The following KCNK18 variants were observed in gnomAD, a reference collection of about 807,000 sequenced individuals.
The protein encoded by KCNK18 is potassium two pore domain channel subfamily K member 18, also known as potassium channel subfamily K member 18.
A neutral mutation model predicts 11.8 loss-of-function variants in KCNK18; 8 were observed. The ratio of observed to expected loss-of-function variants is 0.68; its 90% CI spans 0.40 to 1.22. The LOEUF is 1.22. KCNK18 is among the 50% of genes most tolerant of loss of function. The pLI, the probability that KCNK18 is intolerant of heterozygous loss-of-function variation, is 0.01. For synonymous variants in KCNK18, 208 were observed against 185.8 expected (o/e 1.12, Z -0.97); for missense variants, 442 against 465.4 (o/e 0.95, Z 0.46).
At chr10:117,198,361 T>A (rs572077155) in intron 1 of KCNK18, among the ~76,000 whole-genome samples, 1 of 152,158 alleles carries the variant, frequency 6.6e-6, no homozygotes, top group East Asian at 1.9e-4. Flanking sequence ...AGGCAAAGCT[T>A]TGTTCTCTCT....
intron 2 of KCNK18, among the ~76,000 whole-genome samples, chr10:117,206,941 C>T (rs1030727663): frequency 1.3e-5 from 2 of 152,302 alleles, no homozygotes; most frequent in East Asian, 3.9e-4. Flanking sequence ...TCTCTCTTCA[C>T]CTGGCTAGTT....
At position 117,207,078 on chromosome 10, in the gene KCNK18, G is replaced by T. The variant is rs146940268; in HGVS notation, c.353-2419G>T. ...GAGTCTCGCTCCGTTGCCCAGGCTGGAGTACAGTAGCACGATCTCAGCTCA... is the reference window on the plus strand; with the variant it reads ...GAGTCTCGCTCCGTTGCCCAGGCTGTAGTACAGTAGCACGATCTCAGCTCA... On this transcript the variant is annotated intron_variant, in intron 2 of 2. Transcript: ENST00000334549. Among the ~76,000 whole-genome samples the T allele has an allele frequency of 1.1e-3, 162 of 152,216 alleles. 4 individuals carry two copies. In the East Asian group the frequency reaches 0.028, roughly 26 times the overall value.
intron 2 of KCNK18, among the ~76,000 whole-genome samples, chr10:117,208,340 G>GAC (rs2133706419): frequency 6.6e-6 from 1 of 152,268 alleles, no homozygotes; most frequent in East Asian, 1.9e-4. Context: ...TGAGGGTGAG[G>GAC]ACACCACCAG....
At chr10:117,208,307 T>A (rs931661072) in intron 2 of KCNK18, among the ~76,000 whole-genome samples, 15 of 152,264 alleles carry the variant, frequency 9.9e-5, no homozygotes, top group Non-Finnish European at 4.4e-5. Flanking sequence ...CCACAGGAAG[T>A]GCTCACTAGG....
At chr10:117,205,728 C>T (rs192600661) in intron 2 of KCNK18, among the ~76,000 whole-genome samples, 5 of 152,266 alleles carry the variant, frequency 3.3e-5, no homozygotes, top group African/African-American at 1.2e-4. Context: ...AATTTACTGT[C>T]TGTGATGCAG....
At chr10:117,208,813 TCACTGCAACCTCCA>T (rs1855107420) in intron 2 of KCNK18, among the ~76,000 whole-genome samples, 1 of 151,092 alleles carries the variant, frequency 6.6e-6, no homozygotes, top group African/African-American at 2.4e-5. Context: ...CAATCTTGGC[TCACTGCAACCTCCA>T]CCTCCCGGCT....
At chr10:117,199,897 G>A (rs750886428) in intron 1 of KCNK18, among the ~76,000 whole-genome samples, 2 of 152,144 alleles carry the variant, frequency 1.3e-5, no homozygotes, top group Admixed American at 6.5e-5. Context: ...GCCCACTGGC[G>A]GCTCAGGCCA....
intron 2 of KCNK18, among the ~76,000 whole-genome samples, chr10:117,203,549 A>G (rs1001822777): frequency 4.6e-5 from 7 of 152,124 alleles, no homozygotes; most frequent in African/African-American, 1.7e-4. Context: ...TGTTTTCCTC[A>G]AGCTTTTTGA....
At chr10:117,205,942 C>T (rs1036961697) in intron 2 of KCNK18, among the ~76,000 whole-genome samples, 2 of 151,970 alleles carry the variant, frequency 1.3e-5, no homozygotes, top group East Asian at 1.9e-4. Context: ...CCCAGCTACT[C>T]AGGAGGCTGA....
chr10:117,206,953 G>GT (rs1263532929), intron 2 of KCNK18, among the ~76,000 whole-genome samples: 1 of 152,150 alleles, frequency 6.6e-6, no homozygotes, highest in Non-Finnish European at 1.5e-5. Flanking sequence ...TGGCTAGTTT[G>GT]TGACCCCTTC....
Position 117,209,931 on chromosome 10 carries a change from T to C in KCNK18, c.787T>C (p.Tyr263His). 6.2e-7 allele frequency: 1 copy of C among 1,614,242 alleles called. No individual in the cohort carries two copies. Among genetic ancestry groups the C allele is most frequent in the Non-Finnish European group, 8.5e-7 (1 of 1,180,046 alleles). Residue 263 changes from tyrosine (Y) to histidine (H), a missense_variant, in exon 3 of 3, where the codon TAC becomes CAC. By Grantham distance (83) the Tyr-to-His change is moderately conservative (BLOSUM62 2). Transcript: ENST00000334549. ...CGAACTGGTGTTGGGAAGACTCTCA[T>C]ACTCCATCATCAGCAACCTGGATGA... is the stretch of plus-strand genomic sequence containing the variant. ...CPELVLGRLS[Y>H]SIISNLDEVG...
At chr10:117,207,117 C>T (rs1479686795) in intron 2 of KCNK18, among the ~76,000 whole-genome samples, 2 of 152,156 alleles carry the variant, frequency 1.3e-5, no homozygotes, top group Non-Finnish European at 2.9e-5. Flanking sequence ...CAACCTCCGC[C>T]CCCTGGGTTC....
intron 2 of KCNK18, among the ~76,000 whole-genome samples, chr10:117,204,403 G>A (rs1270860135): frequency 6.6e-6 from 1 of 152,090 alleles, no homozygotes; most frequent in Non-Finnish European, 1.5e-5. Flanking sequence ...GTAGGATGTT[G>A]AGCAGCATCT....
chr10:117,204,254 C>T (rs1343699644), intron 2 of KCNK18, among the ~76,000 whole-genome samples: 3 of 136,474 alleles, frequency 2.2e-5, no homozygotes, highest in African/African-American at 8.3e-5. Context: ...AAGAGTTGGC[C>T]TGGATGGCAG....
Position 117,210,258 on chromosome 10 carries a change from T to C in KCNK18, c.1114T>C (p.Phe372Leu), listed in dbSNP as rs143365824. 269 of 1,614,156 alleles carry C rather than the reference T, an allele frequency of 1.7e-4. 2 individuals carry two copies. The highest frequency in any genetic ancestry group is 1.5e-3 in the Middle Eastern group (9 of 6,062). Residue 372 changes from phenylalanine (F) to leucine (L), a missense_variant, in exon 3 of 3, where the codon TTC becomes CTC. Transcript: ENST00000334549. ...LIDIYKNVML[F>L]FAKGKFYHLV... ...TGACATATACAAAAATGTTATGCTA[T>C]TCTTTGCAAAAGGGAAGTTTTACCA...
Position 117,197,597 on chromosome 10 carries a change from G to C in KCNK18, c.109G>C (p.Gly37Arg). The C allele has an allele frequency of 6.2e-7, 1 of 1,614,146 alleles. No homozygotes were observed. The highest frequency in any genetic ancestry group is 8.5e-7 in the Non-Finnish European group (1 of 1,179,974). ...LCFLVTYALVGAVVFSAIEDG... is the reference protein window; with the variant it reads ...LCFLVTYALVRAVVFSAIEDG... The stretch of plus-strand genomic sequence containing the variant: ...CTTTCTGGTGACCTACGCCCTGGTG[G>C]GTGCTGTGGTCTTCTCTGCCATTGA... The change falls in exon 1 of 3, where the codon GGT becomes CGT. Residue 37 changes from glycine to arginine, a missense_variant. Transcript: ENST00000334549.
intron 1 of KCNK18, among the ~76,000 whole-genome samples, chr10:117,199,188 C>T (rs1231918895): frequency 6.6e-6 from 1 of 152,170 alleles, no homozygotes; most frequent in Non-Finnish European, 1.5e-5. Flanking sequence ...GATGAGGTGG[C>T]GTGCACTTGT....
rs1300030445 is a variant in KCNK18 at position 117,210,017 on chromosome 10, T to G, written c.873T>G (p.Phe291Leu). 4 of 1,614,246 alleles carry G rather than the reference T, an allele frequency of 2.5e-6. No individual in the cohort carries two copies. Among genetic ancestry groups the G allele is most frequent in the Non-Finnish European group, 3.4e-6 (4 of 1,180,048 alleles). Residue 291 changes from phenylalanine (F) to leucine (L), a missense_variant, in exon 3 of 3, where the codon TTT (phenylalanine) becomes TTG (leucine). Transcript: ENST00000334549. ...IPLPIIALIVFAYISCAAAIL... is the reference protein window; with the variant it reads ...IPLPIIALIVLAYISCAAAIL... ...TCCCCATCATTGCCCTTATTGTTTT[T>G]GCCTACATTTCCTGTGCAGCTGCCA...
chr10:117,203,171 C>T (rs1855035403), intron 2 of KCNK18, among the ~76,000 whole-genome samples: 2 of 152,222 alleles, frequency 1.3e-5, no homozygotes, highest in Admixed American at 1.3e-4. Context: ...GACACCGCGC[C>T]TGGCCTTGTT....
Sources: allele counts gnomAD v4.1 joint callset (sites outside exome capture counted in the v4.1 genomes callset), GRCh38; gene constraint gnomAD v4.1.1; transcripts MANE v1.5; gene names NCBI Gene and HGNC (gene_info 2026-07-23, HGNC 2026-07-21).